Variants in RGS7 observed in about 807,000 individuals in gnomAD.
RGS7 encodes the protein regulator of G protein signaling 7.
RGS7 carries 27 observed loss-of-function variants against 81.1 expected under a neutral mutation model. That is an observed-to-expected ratio of 0.33 (90% CI 0.25 to 0.46). The LOEUF (loss-of-function observed/expected upper bound fraction) is 0.46, where lower values mean the gene tolerates loss of function less well. Among genes scored for constraint, RGS7 ranks in the 20% least tolerant of loss-of-function variants. The pLI is 1.00. For missense variants in RGS7, 396 were observed against 607.4 expected, an observed-to-expected ratio of 0.65 and a Z score of 3.66; for synonymous variants, 208 against 207.7, an observed-to-expected ratio of 1.00 and a Z score of -0.01.
At chr1:241,090,323 G>A (rs1400519635) in intron 3 of RGS7, among the ~76,000 whole-genome samples, 2 of 152,130 alleles carry the variant, frequency 1.3e-5, no homozygotes, top group Non-Finnish European at 2.9e-5. Flanking sequence ...GAAGAGTCAA[G>A]GCGACCCCGG....
intron 2 of RGS7, among the ~76,000 whole-genome samples, chr1:241,134,065 T>C (rs182899132): frequency 6.6e-6 from 1 of 152,336 alleles, no homozygotes; most frequent in East Asian, 1.9e-4. Flanking sequence ...AAGCATCCCA[T>C]CCTGCACTGC....
intron 3 of RGS7, among the ~76,000 whole-genome samples, chr1:241,009,898 G>A (rs1278572352): frequency 6.6e-6 from 1 of 152,122 alleles, no homozygotes; most frequent in African/African-American, 2.4e-5. Flanking sequence ...CATGGATGAA[G>A]CTGGAAACCA....
intron 4 of RGS7, among the ~76,000 whole-genome samples, chr1:240,970,306 A>C (rs1682994221): frequency 6.6e-6 from 1 of 152,236 alleles, no homozygotes; most frequent in South Asian, 2.1e-4. Flanking sequence ...TACTTTGGCA[A>C]TGAAAACTTC....
downstream of RGS7, chr1:240,775,494 G>T (rs1682806658): frequency 6.6e-6 from 1 of 152,332 alleles, no homozygotes; most frequent in African/African-American, 2.4e-5. Context: ...TAGCATGGAA[G>T]TCAAAAGTTA....
chr1:241,328,415 C>A lies in RGS7; in HGVS notation c.78+27284G>T, dbSNP rs79109256. ...TTGTCCACTTTCAGCCACAGTACAG[C>A]TGCTTAGCTACAAGAAACTACAGGC... On this transcript the variant is annotated intron_variant, in intron 2 of 18. Transcript: ENST00000440928. 6.8e-3 allele frequency among the ~76,000 whole-genome samples: 1,031 copies of A among 152,320 alleles called. 9 individuals are homozygous for A. The highest frequency in any genetic ancestry group is 0.01 in the Middle Eastern group (3 of 294).
chr1:240,905,474 A>G (rs1670674283), intron 6 of RGS7, among the ~76,000 whole-genome samples: 1 of 152,230 alleles, frequency 6.6e-6, no homozygotes, highest in Non-Finnish European at 1.5e-5. Context: ...TGGGATCTCA[A>G]AATCAGATTC....
chr1:241,081,314 C>G (rs956248886), intron 3 of RGS7, among the ~76,000 whole-genome samples: 6 of 152,124 alleles, frequency 3.9e-5, no homozygotes, highest in Non-Finnish European at 8.8e-5. Context: ...TTTGAAAATT[C>G]CAGATGCCTA....
At chr1:241,039,304 T>C (rs778880196) in intron 3 of RGS7, among the ~76,000 whole-genome samples, 3 of 152,184 alleles carry the variant, frequency 2.0e-5, no homozygotes, top group Non-Finnish European at 4.4e-5. Flanking sequence ...GTGTGGGTTG[T>C]GAGGAGAGGG....
intron 4 of RGS7, among the ~76,000 whole-genome samples, chr1:240,967,349 T>G (rs1393666502): frequency 6.6e-6 from 1 of 152,162 alleles, no homozygotes; most frequent in African/African-American, 2.4e-5. Context: ...CTCAGAGAAG[T>G]AGCTTCTAAA....
intron 2 of RGS7, among the ~76,000 whole-genome samples, chr1:241,149,292 G>T (rs1255047329): frequency 6.6e-6 from 1 of 152,024 alleles, no homozygotes; most frequent in Non-Finnish European, 1.5e-5. Flanking sequence ...CCAGTATCCC[G>T]AATAGTTGAG....
At chr1:241,249,087 G>C (rs1013806983) in intron 2 of RGS7, among the ~76,000 whole-genome samples, 8 of 152,068 alleles carry the variant, frequency 5.3e-5, no homozygotes, top group Admixed American at 5.2e-4. Flanking sequence ...CCTCTTCACA[G>C]GGTCTTCCAC....
chr1:241,073,840 T>G (rs939496145), intron 3 of RGS7, among the ~76,000 whole-genome samples: 1 of 152,224 alleles, frequency 6.6e-6, no homozygotes, highest in African/African-American at 2.4e-5. Context: ...AAGCCAAGTT[T>G]ATGCCGTACC....
At chr1:240,798,507 G>T (rs1157137356) in intron 18 of RGS7, among the ~76,000 whole-genome samples, 1 of 152,184 alleles carries the variant, frequency 6.6e-6, no homozygotes, top group Non-Finnish European at 1.5e-5. Flanking sequence ...TTTTTTGTCA[G>T]TTGGGAGAAT....
At chr1:241,227,225 CCTGA>C (rs2075358782) in intron 2 of RGS7, among the ~76,000 whole-genome samples, 2 of 152,260 alleles carry the variant, frequency 1.3e-5, no homozygotes, top group South Asian at 4.1e-4. Flanking sequence ...GCTGTAGGAT[CCTGA>C]CTGTCTCATG....
At chr1:240,844,573 T>C (rs1338399759) in intron 9 of RGS7, among the ~76,000 whole-genome samples, 1 of 152,130 alleles carries the variant, frequency 6.6e-6, no homozygotes, top group African/African-American at 2.4e-5. Context: ...ATAAATAGCA[T>C]CAGATATTAC....
intron 6 of RGS7, among the ~76,000 whole-genome samples, chr1:240,914,033 G>C (rs1012948772): frequency 6.6e-6 from 1 of 150,796 alleles, no homozygotes; most frequent in East Asian, 2.0e-4. Flanking sequence ...TCTAGCATTA[G>C]GTATATCTCC....
At chr1:241,233,773 C>T (rs2075785000) in intron 2 of RGS7, among the ~76,000 whole-genome samples, 1 of 149,638 alleles carries the variant, frequency 6.7e-6, no homozygotes, top group African/African-American at 2.5e-5. Flanking sequence ...ATTGCTGGAT[C>T]ATACGGTAGT....
chr1:241,065,521 C>G (rs2062010078), intron 3 of RGS7, among the ~76,000 whole-genome samples: 1 of 152,116 alleles, frequency 6.6e-6, no homozygotes, highest in African/African-American at 2.4e-5. Flanking sequence ...AAGTTCAATA[C>G]TTACGTTAAC....
chr1:241,345,468 T>C (rs1364083044), intron 2 of RGS7, among the ~76,000 whole-genome samples: 2 of 152,210 alleles, frequency 1.3e-5, no homozygotes, highest in African/African-American at 4.8e-5. Flanking sequence ...GAAGGTGGAA[T>C]ACTAGAATTC....
Sources: allele counts gnomAD v4.1 joint callset (sites outside exome capture counted in the v4.1 genomes callset), GRCh38; gene constraint gnomAD v4.1.1; transcripts MANE v1.5; gene names NCBI Gene and HGNC (gene_info 2026-07-23, HGNC 2026-07-21).